CEP63: variants seen among roughly 807,000 people sequenced by gnomAD.
CEP63 encodes the protein centrosomal protein of 63 kDa.
In CEP63, 84 loss-of-function variants were observed where a neutral mutation model predicts 89.1. That is an observed-to-expected ratio of 0.94 (90% confidence interval 0.79 to 1.13). The LOEUF (loss-of-function observed/expected upper bound fraction) is 1.13. Ranked by LOEUF, CEP63 falls within the 50% of genes most tolerant of loss-of-function variation. The probability of loss-of-function intolerance (pLI) is 0.00; values close to 1 mark genes in which losing one functional copy is unlikely to be tolerated. For missense variants in CEP63, 838 were observed against 813.3 expected (o/e 1.03, Z -0.37); for synonymous variants, 267 against 272.5 (o/e 0.98, Z 0.20).
At position 134,486,210 on chromosome 3, in the gene CEP63, C is replaced by T. The variant is rs893978546; in HGVS notation, c.-26+8C>T. 1.8e-5 allele frequency: 18 copies of T among 985,366 alleles called. No individual in the cohort carries two copies. Among genetic ancestry groups the T allele is most frequent in the Non-Finnish European group, 2.2e-5 (18 of 829,950 alleles). The allele number at this position is 985,366 out of a possible 1,614,324, so 61.0% of individuals were successfully genotyped here. A position where few individuals can be genotyped will look rare whatever the true frequency, so the allele number is the denominator to read the frequency against. On this transcript the variant is annotated splice_region_variant and intron_variant, in intron 1 of 14. Transcript: ENST00000675561. ...GCGCAGCGCCGGCCCGAGGTAACGG[C>T]GGGAAGGCTCAGGGGCGTGCTTGCG...
At chr3:134,511,997 G>GC (rs1179037333) in intron 3 of CEP63, among the ~76,000 whole-genome samples, 1 of 152,196 alleles carries the variant, frequency 6.6e-6, no homozygotes, top group Non-Finnish European at 1.5e-5. Flanking sequence ...GAGATTAAAA[G>GC]CTTGCACCAG....
intron 7 of CEP63, 59 bp from the exon 8 acceptor site, chr3:134,546,090 G>A: frequency 2.6e-6 from 4 of 1,566,548 alleles, no homozygotes; most frequent in African/African-American, 1.4e-5. Flanking sequence ...TGAGTATTTT[G>A]CAGGTTCTGC....
chr3:134,640,013 A>T, the CEP63 span: 1 of 155,302 alleles, frequency 6.4e-6, no homozygotes, highest in East Asian at 1.9e-4. Context: ...CCTTGTGATT[A>T]CTCTCCTTAC....
the CEP63 span, among the ~76,000 whole-genome samples, chr3:134,644,749 T>TG: frequency 6.6e-6 from 1 of 151,998 alleles, no homozygotes; most frequent in Non-Finnish European, 1.5e-5. Context: ...CCAATCAAGG[T>TG]GGGGGGTGAG....
the CEP63 span, among the ~76,000 whole-genome samples, chr3:134,750,899 G>A: frequency 6.6e-6 from 1 of 152,202 alleles, no homozygotes; most frequent in Non-Finnish European, 1.5e-5. Flanking sequence ...CAATTCAGTG[G>A]CATTTATGGA....
intron 3 of CEP63, among the ~76,000 whole-genome samples, chr3:134,524,215 T>C (rs1948147104): frequency 6.6e-6 from 1 of 152,200 alleles, no homozygotes; most frequent in African/African-American, 2.4e-5. Flanking sequence ...AGCAGTGCTG[T>C]GACTTTTGTA....
At chr3:134,652,967 C>T in the CEP63 span, among the ~76,000 whole-genome samples, 1 of 152,176 alleles carries the variant, frequency 6.6e-6, no homozygotes, top group Non-Finnish European at 1.5e-5. Context: ...CATCTCCCAA[C>T]CCTTGCTCTC....
chr3:134,506,192 T>C (rs1438968020), intron 2 of CEP63, among the ~76,000 whole-genome samples: 1 of 152,206 alleles, frequency 6.6e-6, no homozygotes, highest in African/African-American at 2.4e-5. Flanking sequence ...CTGTGTCCAC[T>C]TCTGTTTCTC....
the CEP63 span, among the ~76,000 whole-genome samples, chr3:134,777,276 T>C: frequency 6.6e-6 from 1 of 152,240 alleles, no homozygotes. Flanking sequence ...ACTATATTTC[T>C]TGTTTTAATA....
At chr3:134,516,319 G>A (rs7372999) in intron 3 of CEP63, among the ~76,000 whole-genome samples, 151,830 of 152,332 alleles carry the variant, frequency 1, 75,669 homozygotes, top group Middle Eastern at 1. Flanking sequence ...CTCCAGCCCT[G>A]AGGTGGTTTT....
chr3:134,660,130 T>C, the CEP63 span, among the ~76,000 whole-genome samples: 127 of 152,342 alleles, frequency 8.3e-4, no homozygotes, highest in Non-Finnish European at 1.7e-3. Flanking sequence ...CAGAGAAATA[T>C]TGAGGTCAGG....
intron 2 of CEP63, among the ~76,000 whole-genome samples, chr3:134,502,471 G>A (rs1392783297): frequency 6.6e-6 from 1 of 152,056 alleles, no homozygotes; most frequent in Non-Finnish European, 1.5e-5. Flanking sequence ...TAGTTGGTAG[G>A]CTTTTTATTA....
the CEP63 span, chr3:134,603,428 C>G: frequency 1.5e-6 from 1 of 681,342 alleles, no homozygotes; most frequent in Non-Finnish European, 2.4e-6. Flanking sequence ...AAGATCACAG[C>G]TCCTGTGGCA....
intron 8 of CEP63, among the ~76,000 whole-genome samples, chr3:134,546,907 C>T (rs9828815): frequency 0.66 from 100,240 of 152,066 alleles, 33,436 homozygotes; most frequent in East Asian, 0.81. Context: ...TCCTGGAGGC[C>T]TCACTTTGTT....
chr3:134,646,343 G>A, the CEP63 span, among the ~76,000 whole-genome samples: 1 of 152,274 alleles, frequency 6.6e-6, no homozygotes, highest in East Asian at 1.9e-4. Flanking sequence ...GGGATGGGGA[G>A]TGTGTCTTGA....
intron 3 of CEP63, among the ~76,000 whole-genome samples, chr3:134,523,910 T>C (rs1391172864): frequency 1.3e-5 from 2 of 152,210 alleles, no homozygotes; most frequent in Non-Finnish European, 2.9e-5. Flanking sequence ...AAATAGTTTT[T>C]CCTAGTTCTG....
chr3:134,573,423 T>A (rs2110293650), intron 11 of CEP63, among the ~76,000 whole-genome samples: 1 of 152,314 alleles, frequency 6.6e-6, no homozygotes, highest in South Asian at 2.1e-4. Context: ...GAGTTAATTT[T>A]TGTATACAAT....
the CEP63 span, among the ~76,000 whole-genome samples, chr3:134,633,452 G>A: frequency 6.6e-6 from 1 of 152,084 alleles, no homozygotes; most frequent in Non-Finnish European, 1.5e-5. Flanking sequence ...TAAATATTTG[G>A]AAATCAATGA....
At chr3:134,508,257 C>T (rs1264006010) in intron 3 of CEP63, among the ~76,000 whole-genome samples, 5 of 152,170 alleles carry the variant, frequency 3.3e-5, no homozygotes, top group African/African-American at 9.7e-5. Flanking sequence ...CAAAGTAGTG[C>T]GTGGCAACAC....
Sources: gnomAD v4.1 joint callset for allele counts (sites outside exome capture counted in the v4.1 genomes callset) on GRCh38, gnomAD v4.1.1 for gene constraint, MANE v1.5 for transcripts, NCBI Gene and HGNC (gene_info 2026-07-23, HGNC 2026-07-21) for gene names.